Variants in DAB1 observed in about 807,000 individuals in gnomAD.
DAB1 encodes the protein disabled homolog 1.
Under a neutral mutation model 64.6 loss-of-function variants are expected in DAB1, and 15 were observed. That is an observed-to-expected ratio of 0.23 (90% CI 0.16 to 0.36). DAB1 has a LOEUF of 0.36. Among genes scored for constraint, DAB1 ranks in the 10% least tolerant of loss-of-function variants. DAB1 has a pLI of 1.00. For synonymous variants in DAB1, 235 were observed against 251.9 expected (o/e 0.93, Z 0.64); for missense variants, 596 against 706.7 (o/e 0.84, Z 1.78).
At chr1:57,776,059 T>TA (rs1649783474) in intron 6 of DAB1, among the ~76,000 whole-genome samples, 1 of 151,838 alleles carries the variant, frequency 6.6e-6, no homozygotes, top group African/African-American at 2.4e-5. Context: ...TCCAACCATT[T>TA]ACTTTTAGCC....
intron 1 of DAB1, among the ~76,000 whole-genome samples, chr1:57,879,720 A>G (rs542369414): frequency 2.0e-5 from 3 of 152,242 alleles, no homozygotes; most frequent in Admixed American, 6.5e-5. Flanking sequence ...CAGTGACTCC[A>G]CCTGGCTGAC....
chr1:57,604,414 A>G (rs1030858106), intron 7 of DAB1, among the ~76,000 whole-genome samples: 2 of 152,026 alleles, frequency 1.3e-5, no homozygotes, highest in Non-Finnish European at 2.9e-5. Context: ...AAAAGAAAAA[A>G]AAAAAAAGAG....
At chr1:57,602,476 C>T (rs934302762) in intron 7 of DAB1, among the ~76,000 whole-genome samples, 2 of 152,100 alleles carry the variant, frequency 1.3e-5, no homozygotes, top group Non-Finnish European at 2.9e-5. Context: ...CATCCTAACC[C>T]TGCTTGGAAA....
At chr1:57,505,769 C>G (rs912109352) in intron 7 of DAB1, among the ~76,000 whole-genome samples, 6 of 152,140 alleles carry the variant, frequency 3.9e-5, no homozygotes, top group Non-Finnish European at 2.9e-5. Context: ...CTCCTGGGCT[C>G]AGGCAAACCT....
At chr1:58,089,234 T>C (rs1026557167) in intron 5 of DAB1, among the ~76,000 whole-genome samples, 2 of 152,242 alleles carry the variant, frequency 1.3e-5, no homozygotes, top group Non-Finnish European at 2.9e-5. Flanking sequence ...GGGGAAGACG[T>C]TAATTTCTCT....
chr1:58,443,862 T>C (rs1431358400), intron 3 of DAB1, among the ~76,000 whole-genome samples: 2 of 152,258 alleles, frequency 1.3e-5, no homozygotes, highest in African/African-American at 2.4e-5. Context: ...TGCTAAATAA[T>C]AGTTCATCCT....
chr1:58,006,880 CA>C (rs35429956), intron 5 of DAB1, among the ~76,000 whole-genome samples: 1 of 152,178 alleles, frequency 6.6e-6, no homozygotes, highest in Non-Finnish European at 1.5e-5. Context: ...AAATGCTACA[CA>C]AATTGGAGTC....
chr1:57,425,049 T>A (rs2101103595), upstream of DAB1, among the ~76,000 whole-genome samples: 1 of 152,314 alleles, frequency 6.6e-6, no homozygotes, highest in Middle Eastern at 3.4e-3. Flanking sequence ...ATTGGGTCAT[T>A]CTGAAAATTC....
chr1:58,518,947 G>T (rs1251187752), intron 2 of DAB1, among the ~76,000 whole-genome samples: 1 of 152,094 alleles, frequency 6.6e-6, no homozygotes, highest in Non-Finnish European at 1.5e-5. Flanking sequence ...TAAATAACTT[G>T]ATCATAATCA....
intron 6 of DAB1, among the ~76,000 whole-genome samples, chr1:57,815,043 T>C (rs2101889135): frequency 6.6e-6 from 1 of 152,238 alleles, no homozygotes; most frequent in Non-Finnish European, 1.5e-5. Context: ...TTTCTTTCTT[T>C]CTTTTTTTCT....
chr1:57,228,136 A>C (rs183425594), intron 2 of DAB1, among the ~76,000 whole-genome samples: 194 of 152,316 alleles, frequency 1.3e-3, no homozygotes, highest in African/African-American at 4.4e-3. Flanking sequence ...GTACCTGCTC[A>C]ATAAGCCTTA....
chr1:58,518,485 T>C lies in DAB1; in HGVS notation n.107+8776A>G, dbSNP rs199542050. The stretch of plus-strand genomic sequence containing the variant: ...TGGAGGGGAGTAGGACTGGAGTCAA[T>C]GAAAGCTATCATGAGCCTGCTACAG... On this transcript the variant is annotated intron_variant and non_coding_transcript_variant, in intron 2 of 20. Transcript: ENST00000485760. Among the ~76,000 whole-genome samples, 30 of 151,958 alleles carry C rather than the reference T, an allele frequency of 2.0e-4. No individual in the cohort carries two copies. The East Asian group carries it at 2.1e-3, about 11-fold the overall frequency.
intron 9 of DAB1, among the ~76,000 whole-genome samples, chr1:57,052,361 C>T (rs565987817): frequency 6.6e-6 from 1 of 152,260 alleles, no homozygotes; most frequent in African/African-American, 2.4e-5. Context: ...AGGATATCTC[C>T]TTTTCAGGGC....
intron 1 of DAB1, among the ~76,000 whole-genome samples, chr1:57,390,067 A>G (rs1481649346): frequency 6.6e-6 from 1 of 152,250 alleles, no homozygotes; most frequent in South Asian, 2.1e-4. Context: ...TGCTCTTATA[A>G]GTGGCACTGT....
At chr1:57,879,566 T>C (rs10489669) in intron 1 of DAB1, among the ~76,000 whole-genome samples, 14,287 of 152,204 alleles carry the variant, frequency 0.094, 966 homozygotes, top group Admixed American at 0.23. Flanking sequence ...GCCATTAATC[T>C]GTGGTTGGCC....
intron 3 of DAB1, among the ~76,000 whole-genome samples, chr1:58,486,498 C>G (rs1557436380): frequency 6.6e-6 from 1 of 152,160 alleles, no homozygotes; most frequent in South Asian, 2.1e-4. Context: ...TTTTCACCCA[C>G]TATTATATTG....
intron 5 of DAB1, among the ~76,000 whole-genome samples, chr1:57,932,450 C>T (rs565791229): frequency 5.3e-5 from 8 of 150,726 alleles, no homozygotes; most frequent in Non-Finnish European, 1.0e-4. Context: ...TAGAGGTGCC[C>T]GCCACCAAGC....
intron 5 of DAB1, among the ~76,000 whole-genome samples, chr1:57,977,527 G>T (rs143678283): frequency 1.3e-5 from 2 of 152,160 alleles, no homozygotes; most frequent in African/African-American, 4.8e-5. Context: ...TTAAAATGCC[G>T]ACTCTGCCAC....
At chr1:57,690,684 T>C (rs2101712525) in intron 6 of DAB1, among the ~76,000 whole-genome samples, 1 of 152,334 alleles carries the variant, frequency 6.6e-6, no homozygotes, top group South Asian at 2.1e-4. Flanking sequence ...CTGGATCATA[T>C]GGTAGCCCGA....
Sources: gnomAD v4.1 joint callset for allele counts (sites outside exome capture counted in the v4.1 genomes callset) on GRCh38, gnomAD v4.1.1 for gene constraint, MANE v1.5 for transcripts, NCBI Gene and HGNC (gene_info 2026-07-23, HGNC 2026-07-21) for gene names.